The following SGCZ variants were observed in gnomAD, a reference collection of about 807,000 sequenced individuals.
SGCZ encodes zeta-sarcoglycan.
In SGCZ, 40 loss-of-function variants were observed where a neutral mutation model predicts 41.3. The observed-to-expected ratio is 0.97, with a 90% CI of 0.75 to 1.26. The LOEUF is 1.26. Among genes scored for constraint, SGCZ ranks in the 50% most tolerant of loss-of-function variants. The pLI, the probability that SGCZ is intolerant of heterozygous loss-of-function variation, is 0.00. For missense variants in SGCZ, 552 were observed against 369.8 expected (o/e 1.49, Z -4.04); for synonymous variants, 206 against 137.5 (o/e 1.50, Z -3.49).
At chr8:14,872,426 G>T (rs1342478711) in intron 1 of SGCZ, among the ~76,000 whole-genome samples, 2 of 151,904 alleles carry the variant, frequency 1.3e-5, no homozygotes, top group African/African-American at 4.8e-5. Flanking sequence ...TATAAAAGTG[G>T]TTACTATTAA....
intron 1 of SGCZ, among the ~76,000 whole-genome samples, chr8:14,697,582 TCTTTC>T (rs1182534123): frequency 1.3e-5 from 2 of 152,036 alleles, no homozygotes; most frequent in African/African-American, 4.8e-5. Context: ...TTAGCTCATG[TCTTTC>T]CTTTCACTTT....
In SGCZ at chr8:14,322,972, T is replaced by C. The variant is rs111887114; in HGVS notation, c.336+1131A>G. ...TTTTAAATTTAATTCTTTTTAAAAG[T>C]TTAATTATGTAAGGTCAGGTATTCA... On this transcript the variant is annotated intron_variant, in intron 3 of 7. Coordinates refer to ENST00000382080, the MANE Select transcript of SGCZ (RefSeq NM_139167.4). Among the ~76,000 whole-genome samples the C allele has an allele frequency of 2.0e-3, 308 of 152,182 alleles. 2 individuals carry two copies. The highest frequency in any genetic ancestry group is 7.0e-3 in the African/African-American group (290 of 41,548).
chr8:15,236,127 C>CT (rs1268259311), intron 1 of SGCZ, among the ~76,000 whole-genome samples: 1 of 152,218 alleles, frequency 6.6e-6, no homozygotes, highest in African/African-American at 2.4e-5. Flanking sequence ...GCCCAGGGAA[C>CT]TCAGTCTTCG....
rs1803164222 is a variant in SGCZ, at chr8:14,847,256, T to C, written c.40-292330A>G. 2.0e-5 allele frequency among the ~76,000 whole-genome samples: 3 copies of C among 152,196 alleles called. No homozygotes were observed. The South Asian group carries it at 6.2e-4, about 32-fold the overall frequency. On this transcript the variant is annotated intron_variant, in intron 1 of 7. Transcript: ENST00000382080. ...GGAAAGTCCTGTTTTTCCAATTCAT[T>C]TTATGAACTCAATATTACCCTGATA...
At chr8:14,709,926 T>G (rs927369401) in intron 1 of SGCZ, among the ~76,000 whole-genome samples, 9 of 152,188 alleles carry the variant, frequency 5.9e-5, no homozygotes, top group African/African-American at 2.2e-4. Flanking sequence ...CTTAATATTA[T>G]GTACCTGTTG....
At chr8:15,194,462 C>T (rs772494075) in intron 1 of SGCZ, among the ~76,000 whole-genome samples, 30 of 152,126 alleles carry the variant, frequency 2.0e-4, no homozygotes, top group Non-Finnish European at 3.8e-4. Flanking sequence ...CCCGAAAACG[C>T]ATGAATATGT....
intron 1 of SGCZ, among the ~76,000 whole-genome samples, chr8:14,683,552 T>C (rs1808513698): frequency 6.6e-6 from 1 of 152,112 alleles, no homozygotes; most frequent in African/African-American, 2.4e-5. Context: ...ATCAAGTAAA[T>C]TATATTAATC....
At chr8:15,183,147 G>A (rs1202945601) in intron 1 of SGCZ, among the ~76,000 whole-genome samples, 1 of 144,980 alleles carries the variant, frequency 6.9e-6, no homozygotes, top group East Asian at 2.0e-4. Context: ...GCCTTAGGCT[G>A]TTTTACAGTT....
intron 1 of SGCZ, among the ~76,000 whole-genome samples, chr8:14,572,256 A>G (rs989761656): frequency 7.9e-5 from 12 of 152,184 alleles, no homozygotes; most frequent in South Asian, 2.1e-4. Context: ...CCATTCCTTT[A>G]TAATCTGAAA....
chr8:14,876,830 T>C (rs1007628621), intron 1 of SGCZ, among the ~76,000 whole-genome samples: 3 of 152,166 alleles, frequency 2.0e-5, no homozygotes, highest in Non-Finnish European at 2.9e-5. Flanking sequence ...TGACATTCAC[T>C]AAGTTCTGCT....
In SGCZ at chr8:14,346,098, T is replaced by C. The variant is rs185105629; in HGVS notation, c.235-21894A>G. ...TTATGAATTTTAGTTAATAATTATATGTCAATATCGGCTCTGTTATGTATC... is the reference window on the plus strand; with the variant it reads ...TTATGAATTTTAGTTAATAATTATACGTCAATATCGGCTCTGTTATGTATC... On this transcript the variant is annotated intron_variant, in intron 2 of 7. Transcript: ENST00000382080. Among the ~76,000 whole-genome samples, 320 of 152,220 alleles carry C rather than the reference T, an allele frequency of 2.1e-3. 1 individual carries two copies. Among genetic ancestry groups the C allele is most frequent in the African/African-American group, 7.0e-3 (291 of 41,562 alleles).
In SGCZ at chr8:15,209,433, G is replaced by A. The variant is rs962243521; in HGVS notation, c.39+28152C>T. On this transcript the variant is annotated intron_variant, in intron 1 of 7. Coordinates refer to ENST00000382080, the MANE Select transcript of SGCZ (RefSeq NM_139167.4). ...TATCTCTTCTTTCATTTATTTTTATGGCCAAGCACAGGAACAGCGAAGTTA... is the reference window on the plus strand; with the variant it reads ...TATCTCTTCTTTCATTTATTTTTATAGCCAAGCACAGGAACAGCGAAGTTA... Among the ~76,000 whole-genome samples the A allele has an allele frequency of 8.0e-4, 119 of 149,492 alleles. 1 individual carries two copies. Among genetic ancestry groups the A allele is most frequent in the South Asian group, 1.1e-3 (5 of 4,720 alleles).
chr8:15,120,918 T>C (rs530580993), intron 1 of SGCZ, among the ~76,000 whole-genome samples: 4 of 152,314 alleles, frequency 2.6e-5, no homozygotes, highest in South Asian at 4.1e-4. Flanking sequence ...AAACAGCCTC[T>C]GAAGATGGCC....
At chr8:14,395,769 G>A (rs950684094) in intron 2 of SGCZ, among the ~76,000 whole-genome samples, 2 of 152,172 alleles carry the variant, frequency 1.3e-5, no homozygotes, top group Admixed American at 1.3e-4. Context: ...CTCAGAGCAA[G>A]TATCAGGATA....
intron 1 of SGCZ, among the ~76,000 whole-genome samples, chr8:14,847,126 A>AAAGAAGAAGAAGAAGAAGAAGAAG (rs61002020): frequency 4.7e-5 from 6 of 126,448 alleles, no homozygotes; most frequent in East Asian, 5.0e-4. Flanking sequence ...GAAGAAGAAG[A>AAAGAAGAAGAAGAAGAAGAAGAAG]AAGAAGAAGA....
chr8:15,147,347 T>C (rs1364846311), intron 1 of SGCZ, among the ~76,000 whole-genome samples: 2 of 152,306 alleles, frequency 1.3e-5, no homozygotes, highest in East Asian at 3.9e-4. Context: ...GGCACCATTT[T>C]GGCTCACCAC....
chr8:15,034,563 A>C (rs12545310), intron 1 of SGCZ, among the ~76,000 whole-genome samples: 84,732 of 151,942 alleles, frequency 0.56, 24,399 homozygotes, highest in Non-Finnish European at 0.64. Flanking sequence ...TAGCAGAAAA[A>C]CTTTCAAATC....
At chr8:15,122,462 T>G (rs1807518810) in intron 1 of SGCZ, among the ~76,000 whole-genome samples, 1 of 152,198 alleles carries the variant, frequency 6.6e-6, no homozygotes, top group African/African-American at 2.4e-5. Context: ...TGAAATGTTT[T>G]GCTTTTTGTA....
At chr8:14,944,555 A>G (rs530411334) in intron 1 of SGCZ, among the ~76,000 whole-genome samples, 1 of 152,362 alleles carries the variant, frequency 6.6e-6, no homozygotes, top group East Asian at 1.9e-4. Context: ...AAATGTAAAT[A>G]AAATCCAACA....
Sources: allele counts gnomAD v4.1 joint callset (sites outside exome capture counted in the v4.1 genomes callset), GRCh38; gene constraint gnomAD v4.1.1; transcripts MANE v1.5; gene names NCBI Gene and HGNC (gene_info 2026-07-23, HGNC 2026-07-21).